Variants in TMPRSS11F observed in about 807,000 individuals in gnomAD.
TMPRSS11F encodes the protein transmembrane serine protease 11F.
TMPRSS11F carries 47 observed loss-of-function variants against 60.2 expected under a neutral mutation model. That is an observed-to-expected ratio of 0.78 (90% CI 0.62 to 1.00). The LOEUF (loss-of-function observed/expected upper bound fraction) is 1.00. Among genes scored for constraint, TMPRSS11F ranks in the 50% least tolerant of loss-of-function variants. The pLI is 0.00. For synonymous variants in TMPRSS11F, 166 were observed against 167.3 expected (o/e 0.99, Z 0.06); for missense variants, 519 against 522.9 (o/e 0.99, Z 0.07).
At chr4:68,104,912 T>C (rs1008713089) in intron 1 of TMPRSS11F, among the ~76,000 whole-genome samples, 2 of 151,908 alleles carry the variant, frequency 1.3e-5, no homozygotes, top group African/African-American at 2.4e-5. Context: ...CAGTATATTT[T>C]ATTGAGCATT....
At chr4:68,102,757 C>T (rs1302646236) in intron 1 of TMPRSS11F, among the ~76,000 whole-genome samples, 2 of 152,092 alleles carry the variant, frequency 1.3e-5, no homozygotes, top group Non-Finnish European at 2.9e-5. Context: ...TTTTCCCAAT[C>T]TGTGGGCTGC....
At chr4:68,124,813 C>T (rs533538009) in intron 1 of TMPRSS11F, among the ~76,000 whole-genome samples, 1 of 152,244 alleles carries the variant, frequency 6.6e-6, no homozygotes, top group South Asian at 2.1e-4. Flanking sequence ...CCCTACACTC[C>T]GTTTCGCACT....
intron 1 of TMPRSS11F, among the ~76,000 whole-genome samples, chr4:68,120,956 G>T (rs1233995034): frequency 3.3e-5 from 5 of 152,144 alleles, no homozygotes; most frequent in African/African-American, 1.2e-4. Context: ...ACAGTATAGT[G>T]TAAACATAAC....
Position 68,105,818 on chromosome 4 carries a change from G to A in TMPRSS11F, c.12-6780C>T, listed in dbSNP as rs538423172. Among the ~76,000 whole-genome samples the A allele has an allele frequency of 4.6e-5, 7 of 152,074 alleles. No individual in the cohort carries two copies. The East Asian group carries it at 5.8e-4, about 13-fold the overall frequency. On this transcript the variant is annotated intron_variant, in intron 1 of 9. Transcript: ENST00000356291. ...TTTCTTGCAAAATGAACAAAATGAC[G>A]TCTAGAAGCATAAACATAAAGAATA...
intron 6 of TMPRSS11F, 136 bp from the exon 7 acceptor site, chr4:68,068,955 T>C: frequency 1.2e-6 from 1 of 832,652 alleles, no homozygotes. Flanking sequence ...TTGAGCTTAT[T>C]TGATACAGGT....
intron 9 of TMPRSS11F, among the ~76,000 whole-genome samples, chr4:68,057,724 A>G (rs1305451678): frequency 6.6e-6 from 1 of 152,230 alleles, no homozygotes; most frequent in African/African-American, 2.4e-5. Flanking sequence ...TCTCAAAAGA[A>G]GACATACAAA....
chr4:68,058,088 G>A (rs1723084513), intron 9 of TMPRSS11F, among the ~76,000 whole-genome samples: 1 of 152,122 alleles, frequency 6.6e-6, no homozygotes, highest in Non-Finnish European at 1.5e-5. Flanking sequence ...TGGAGAGTGA[G>A]GGAAAGGGGA....
chr4:68,119,704 A>C lies in TMPRSS11F; in HGVS notation c.11+10106T>G, dbSNP rs60703499. On this transcript the variant is annotated intron_variant, in intron 1 of 9. Transcript: ENST00000356291. ...CAAAAAAAGAGATTCCTTTCAAAATATTACTGCTCATAGACAATGCATATC... is the reference window on the plus strand; with the variant it reads ...CAAAAAAAGAGATTCCTTTCAAAATCTTACTGCTCATAGACAATGCATATC... 8.0e-3 allele frequency among the ~76,000 whole-genome samples: 1,224 copies of C among 152,304 alleles called. 15 individuals are homozygous for C. The highest frequency in any genetic ancestry group is 0.026 in the African/African-American group (1,089 of 41,572).
intron 9 of TMPRSS11F, among the ~76,000 whole-genome samples, chr4:68,057,240 G>A (rs1202864607): frequency 3.5e-5 from 5 of 144,288 alleles, no homozygotes; most frequent in Non-Finnish European, 6.0e-5. Flanking sequence ...ATTCTAGATC[G>A]TACCACTGCA....
intron 3 of TMPRSS11F, among the ~76,000 whole-genome samples, chr4:68,090,261 T>C (rs1370833): frequency 0.37 from 56,276 of 151,862 alleles, 12,660 homozygotes; most frequent in Non-Finnish European, 0.52. Context: ...GAGTTAAAAA[T>C]AGAGAAACAT....
chr4:68,120,085 G>A (rs559023979), intron 1 of TMPRSS11F, among the ~76,000 whole-genome samples: 1 of 152,196 alleles, frequency 6.6e-6, no homozygotes, highest in Non-Finnish European at 1.5e-5. Context: ...ACTAGATTTA[G>A]AAGTGGAACC....
intron 3 of TMPRSS11F, among the ~76,000 whole-genome samples, chr4:68,074,342 T>C (rs1370829): frequency 0.95 from 145,334 of 152,284 alleles, 69,745 homozygotes; most frequent in East Asian, 1. Flanking sequence ...TTATGTCACA[T>C]ATTTTACACC....
intron 3 of TMPRSS11F, among the ~76,000 whole-genome samples, chr4:68,074,540 T>C (rs185360053): frequency 1.2e-4 from 19 of 152,332 alleles, no homozygotes; most frequent in African/African-American, 3.6e-4. Context: ...GATTATGTCA[T>C]CACTAGACCA....
intron 5 of TMPRSS11F, among the ~76,000 whole-genome samples, chr4:68,070,332 G>A (rs1723430007): frequency 1.3e-5 from 2 of 152,122 alleles, no homozygotes; most frequent in South Asian, 4.1e-4. Flanking sequence ...GGGGGCTCCA[G>A]TATAATCTGA....
At chr4:68,071,293 C>A (rs74714035) in intron 5 of TMPRSS11F, among the ~76,000 whole-genome samples, 1 of 152,160 alleles carries the variant, frequency 6.6e-6, no homozygotes, top group East Asian at 1.9e-4. Context: ...GGGATTCTAT[C>A]TCAAAATATA....
At chr4:68,109,928 C>T (rs951330084) in intron 1 of TMPRSS11F, among the ~76,000 whole-genome samples, 2 of 152,078 alleles carry the variant, frequency 1.3e-5, no homozygotes, top group African/African-American at 4.8e-5. Flanking sequence ...GAAATGTAAA[C>T]AACAAAACAT....
rs778320455 is a variant in TMPRSS11F at position 68,069,953 on chromosome 4, G to C, written c.553+16C>G. The C allele has an allele frequency of 1.3e-6, 2 of 1,583,424 alleles. No individual in the cohort carries two copies. Among genetic ancestry groups the C allele is most frequent in the South Asian group, 2.3e-5 (2 of 86,270 alleles). ...TACTGTGAAATAAACAGTTAATTGTGGGTTTTGGAACTTACGACTGTTGAG... is the reference window on the plus strand; with the variant it reads ...TACTGTGAAATAAACAGTTAATTGTCGGTTTTGGAACTTACGACTGTTGAG... On this transcript the variant is annotated intron_variant, in intron 6 of 9. Coordinates refer to ENST00000356291, the MANE Select transcript of TMPRSS11F (RefSeq NM_207407.2).
intron 3 of TMPRSS11F, among the ~76,000 whole-genome samples, chr4:68,085,850 A>G (rs556932669): frequency 6.6e-5 from 10 of 152,320 alleles, no homozygotes; most frequent in African/African-American, 2.4e-4. Flanking sequence ...ATATATATGC[A>G]CCCAACATTG....
intron 1 of TMPRSS11F, among the ~76,000 whole-genome samples, chr4:68,125,966 A>G (rs900690992): frequency 9.2e-5 from 14 of 152,174 alleles, no homozygotes; most frequent in African/African-American, 2.9e-4. Flanking sequence ...TAAACTGGAG[A>G]TCTACTTTTT....
Sources: allele counts gnomAD v4.1 joint callset (sites outside exome capture counted in the v4.1 genomes callset), GRCh38; gene constraint gnomAD v4.1.1; transcripts MANE v1.5; gene names NCBI Gene and HGNC (gene_info 2026-07-23, HGNC 2026-07-21).